Variants in ART4 observed in about 807,000 individuals in gnomAD.
ART4 encodes ADP-ribosyltransferase 4 (inactive) (Dombrock blood group), also known as ecto-ADP-ribosyltransferase 4.
In ART4, 14 loss-of-function variants were observed where a neutral mutation model predicts 24.2. That is an observed-to-expected ratio of 0.58 (90% CI 0.38 to 0.90). ART4 has a LOEUF of 0.90. Among genes scored for constraint, ART4 ranks in the 40% least tolerant of loss-of-function variants. The probability of loss-of-function intolerance (pLI) is 0.00; values close to 1 mark genes in which losing one functional copy is unlikely to be tolerated. For synonymous variants in ART4, 145 were observed against 139.9 expected, an observed-to-expected ratio of 1.04 and a Z score of -0.26; for missense variants, 356 against 366.6, an observed-to-expected ratio of 0.97 and a Z score of 0.24.
rs1394237903 is a variant in ART4, at chr12:14,841,013, C to G, written c.285G>C (p.Arg95Ser). The part of the protein sequence containing the change: ...KDIEAQKNYF[R>S]MWQKAHLAWL... ...AGGCTAAGTGGGCTTTTTGCCACAT[C>G]CTAAAATAATTCTTCTGGGCTTCTA... Residue 95 changes from arginine (R) to serine (S), a missense_variant, in exon 2 of 3, where the codon AGG (arginine) becomes AGC (serine). Physicochemically the swap from Arg to Ser is moderately radical, Grantham distance 110. Coordinates refer to ENST00000228936, the MANE Select transcript of ART4 (RefSeq NM_021071.4). 6.2e-7 allele frequency: 1 copy of G among 1,614,054 alleles called. No homozygotes were observed. The highest frequency in any genetic ancestry group is 1.3e-5 in the African/African-American group (1 of 74,912).
chr12:14,840,278 G>T (rs1950457647), intron 2 of ART4, 167 bp downstream of exon 2: 4 of 591,648 alleles, frequency 6.8e-6, no homozygotes, highest in South Asian at 4.9e-5. Flanking sequence ...GAAGAAAAGA[G>T]AAGTCAATAA....
chr12:14,832,496 A>G (rs1034933056), intron 2 of ART4, among the ~76,000 whole-genome samples: 7 of 152,030 alleles, frequency 4.6e-5, no homozygotes, highest in Non-Finnish European at 7.4e-5. Flanking sequence ...TTTATTTTTC[A>G]TCTTAGTATG....
At chr12:14,839,264 T>G (rs1477889007) in intron 2 of ART4, among the ~76,000 whole-genome samples, 8 of 152,132 alleles carry the variant, frequency 5.3e-5, no homozygotes. Context: ...CTACTCCTAT[T>G]CTTTTCCCAT....
Position 14,835,554 on chromosome 12 carries a change from GAAAC to G in ART4, c.853+4887_853+4890del, listed in dbSNP as rs1205585744. Among the ~76,000 whole-genome samples, 7 of 151,720 alleles carry G rather than the reference GAAAC, an allele frequency of 4.6e-5. No homozygotes were observed. In the Middle Eastern group the frequency reaches 0.014, roughly 295 times the overall value. On this transcript the variant is annotated intron_variant, in intron 2 of 2. Coordinates refer to ENST00000228936, the MANE Select transcript of ART4 (RefSeq NM_021071.4). ...ATTGAGAGAAAAACAAAGAAACAAA[GAAAC>G]AAACAAACAACACTGTAGCGAATAA...
In ART4 at chr12:14,840,801, G is replaced by A; in HGVS notation, c.497C>T (p.Ala166Val). The A allele has an allele frequency of 1.2e-6, 2 of 1,614,200 alleles. No individual in the cohort carries two copies. Among genetic ancestry groups the A allele is most frequent in the Non-Finnish European group, 1.7e-6 (2 of 1,180,032 alleles). ...FKYLHYYLTSAIQLLRKDSIM... is the reference protein window; with the variant it reads ...FKYLHYYLTSVIQLLRKDSIM... ...GCTGTCTTTCCTCAGCAGCTGGATT[G>A]CTGAGGTGAGGTAGTAGTGTAAATA... The change falls in exon 2 of 3, where the codon GCA becomes GTA. Residue 166 changes from alanine to valine, a missense_variant. By Grantham distance (64) the Ala-to-Val change is moderately conservative. Transcript: ENST00000228936.
At chr12:14,833,203 C>T (rs960142882) in intron 2 of ART4, among the ~76,000 whole-genome samples, 1 of 152,116 alleles carries the variant, frequency 6.6e-6, no homozygotes, top group Non-Finnish European at 1.5e-5. Flanking sequence ...GAAACACTAG[C>T]ATTAACACTG....
chr12:14,832,655 T>C (rs1950404528), intron 2 of ART4, among the ~76,000 whole-genome samples: 1 of 152,204 alleles, frequency 6.6e-6, no homozygotes, highest in Non-Finnish European at 1.5e-5. Flanking sequence ...AAGTGACCAA[T>C]AAATACTGAT....
In ART4 at chr12:14,825,704, T is replaced by A. The variant is rs1450681968; in HGVS notation, c.*3667A>T. 3 of 152,222 alleles carry A rather than the reference T, an allele frequency of 2.0e-5. No homozygotes were observed. Among genetic ancestry groups the A allele is most frequent in the Non-Finnish European group, 4.4e-5 (3 of 68,038 alleles). The allele number at this position is 152,222 out of a possible 1,614,324, so 9.4% of individuals were successfully genotyped here. A position where few individuals can be genotyped will look rare whatever the true frequency, so the allele number is the denominator to read the frequency against. ...TGTAAATCAATTTGATTCATATTATTAGACAACTCAGTACAAGAATCCTGA... is the reference window on the plus strand; with the variant it reads ...TGTAAATCAATTTGATTCATATTATAAGACAACTCAGTACAAGAATCCTGA... On this transcript the variant is annotated 3_prime_UTR_variant, in exon 3 of 3. Transcript: ENST00000228936.
intron 2 of ART4, among the ~76,000 whole-genome samples, chr12:14,830,949 G>GTT (rs75841948): frequency 6.7e-6 from 1 of 148,646 alleles, no homozygotes; most frequent in Admixed American, 6.7e-5. Flanking sequence ...AACGATTTTT[G>GTT]TTTTTTTTTC....
rs1950362410 is a variant in ART4 at position 14,826,759 on chromosome 12, T to A, written c.*2612A>T. ...TTCCGTATTCGCTTCTATTTTCTGC[T>A]TTCCTCTAAGTAAAACATCATCTCT... On this transcript the variant is annotated 3_prime_UTR_variant, in exon 3 of 3. Coordinates refer to ENST00000228936, the MANE Select transcript of ART4 (RefSeq NM_021071.4). The A allele has an allele frequency of 6.6e-6, 1 of 152,244 alleles. No homozygotes were observed. The highest frequency in any genetic ancestry group is 6.5e-5 in the Admixed American group (1 of 15,286). The allele number at this position is 152,244 out of a possible 1,614,324, so 9.4% of individuals were successfully genotyped here.
intron 2 of ART4, among the ~76,000 whole-genome samples, chr12:14,836,615 G>C (rs907875786): frequency 6.6e-5 from 10 of 152,182 alleles, no homozygotes; most frequent in Non-Finnish European, 1.3e-4. Context: ...TCAACTAAAT[G>C]ACTGTGATGC....
chr12:14,839,135 C>T (rs1293635350), intron 2 of ART4, among the ~76,000 whole-genome samples: 3 of 152,130 alleles, frequency 2.0e-5, no homozygotes, highest in Non-Finnish European at 4.4e-5. Flanking sequence ...TTAAAAACTT[C>T]TAATTACTTC....
In ART4 at chr12:14,841,125, G is replaced by A. The variant is rs781739863; in HGVS notation, c.173C>T (p.Ala58Val). Residue 58 changes from alanine to valine, a missense_variant, in exon 2 of 3, where the codon GCA becomes GTA. Coordinates refer to ENST00000228936, the MANE Select transcript of ART4 (RefSeq NM_021071.4). ...EVAIKIDFDF[A>V]PGSFDDQYQG... ...GTACTGATCATCAAAAGAACCTGGTGCGAAGTCGAAGTCGATTTTAATTGC... is the reference window on the plus strand; with the variant it reads ...GTACTGATCATCAAAAGAACCTGGTACGAAGTCGAAGTCGATTTTAATTGC... The A allele has an allele frequency of 7.0e-6, 11 of 1,576,398 alleles. No homozygotes were observed. Among genetic ancestry groups the A allele is most frequent in the Non-Finnish European group, 7.7e-6 (9 of 1,165,590 alleles).
In ART4 at chr12:14,843,210, G is replaced by A. The variant is rs951100248; in HGVS notation, c.-97C>T. The A allele has an allele frequency of 5.5e-5, 82 of 1,503,784 alleles. No homozygotes were observed. Among genetic ancestry groups the A allele is most frequent in the Admixed American group, 1.1e-4 (6 of 52,666 alleles). 93.2% of individuals were successfully genotyped at this position (1,503,784 alleles called of 1,614,324 possible). On this transcript the variant is annotated 5_prime_UTR_variant, in exon 1 of 3. The change creates a new upstream start codon in the 5' untranslated region. Transcript: ENST00000228936. ...TTGAGGTTTTCTTTCAGTCTCATCC[G>A]TAACCGTTTTTTCCCCTGTCTATGC...
chr12:14,838,021 A>T (rs1950442495), intron 2 of ART4, among the ~76,000 whole-genome samples: 1 of 152,174 alleles, frequency 6.6e-6, no homozygotes, highest in African/African-American at 2.4e-5. Context: ...CTCAAATACT[A>T]GTCGAGTTCC....
intron 2 of ART4, among the ~76,000 whole-genome samples, chr12:14,838,089 G>T (rs12307494): frequency 1.3e-5 from 2 of 151,964 alleles, no homozygotes; most frequent in South Asian, 2.1e-4. Flanking sequence ...AGTGTGATTG[G>T]TGATTCCAAA....
At chr12:14,842,829 T>C in intron 1 of ART4, 141 bp downstream of exon 1, 1 of 1,091,632 alleles carries the variant, frequency 9.2e-7, no homozygotes, top group Non-Finnish European at 1.3e-6. Flanking sequence ...CAACACTCTT[T>C]ACTAACATGA....
At chr12:14,840,033 CA>C (rs1950455917) in intron 2 of ART4, among the ~76,000 whole-genome samples, 1 of 152,166 alleles carries the variant, frequency 6.6e-6, no homozygotes, top group Non-Finnish European at 1.5e-5. Flanking sequence ...GGGCCCCCAT[CA>C]CAATAGAAGA....
intron 2 of ART4, among the ~76,000 whole-genome samples, chr12:14,833,015 T>C (rs529942789): frequency 2.0e-5 from 3 of 152,334 alleles, no homozygotes; most frequent in African/African-American, 7.2e-5. Flanking sequence ...ACATTTTTTT[T>C]ACTTTTGTAG....
Sources: allele counts gnomAD v4.1 joint callset (sites outside exome capture counted in the v4.1 genomes callset), GRCh38; gene constraint gnomAD v4.1.1; transcripts MANE v1.5; gene names NCBI Gene and HGNC (gene_info 2026-07-23, HGNC 2026-07-21).